Variants in GFI1 observed in about 807,000 individuals in gnomAD.
The protein encoded by GFI1 is growth factor independent 1 transcriptional repressor.
In GFI1, 15 loss-of-function variants were observed where a neutral mutation model predicts 39.2. That is an observed-to-expected ratio of 0.38 (90% CI 0.26 to 0.59). The LOEUF (loss-of-function observed/expected upper bound fraction) is 0.59, where lower values mean the gene tolerates loss of function less well. GFI1 is among the 20% of genes least tolerant of loss of function. GFI1 has a pLI of 0.62. For synonymous variants in GFI1, 239 were observed against 254.3 expected, an observed-to-expected ratio of 0.94 and a Z score of 0.57; for missense variants, 475 against 574.0, an observed-to-expected ratio of 0.83 and a Z score of 1.76.
At position 92,483,388 on chromosome 1, in the gene GFI1, C is replaced by T. The variant is rs752718949; in HGVS notation, c.100G>A (p.Ala34Thr). The part of the protein sequence containing the change: ...DYSLRLENVP[A>T]PSRADSTSNA... ...CGCCTCGCACCTGCTCGGCTAGGCG[C>T]CGGTACATTCTCTAAACGGAGGGAA... is the stretch of plus-strand genomic sequence containing the variant. The change falls in exon 2 of 7, where the codon GCG (alanine) becomes ACG (threonine). Residue 34 changes from alanine (A) to threonine (T), a missense_variant. Coordinates refer to ENST00000294702, the MANE Select transcript of GFI1 (RefSeq NM_005263.5). 6 of 1,607,540 alleles carry T rather than the reference C, an allele frequency of 3.7e-6. No individual in the cohort carries two copies. In the East Asian group the frequency reaches 1.1e-4, roughly 30 times the overall value.
In GFI1 at chr1:92,478,180, C is replaced by A. The variant is rs144102613; in HGVS notation, c.1090+408G>T. On this transcript the variant is annotated intron_variant, in intron 6 of 6. Coordinates refer to ENST00000294702, the MANE Select transcript of GFI1 (RefSeq NM_005263.5). ...CCTGAAAATGCAGCCGGAGAGTCCA[C>A]ACGAGTCCCTCCCACAAAAGGCCAG... 1.8e-3 allele frequency among the ~76,000 whole-genome samples: 279 copies of A among 152,324 alleles called. 4 individuals are homozygous for A. The highest frequency in any genetic ancestry group is 6.2e-3 in the African/African-American group (256 of 41,568).
chr1:92,475,985 CTCTG>C lies in GFI1; in HGVS notation c.*40_*43del. The C allele has an allele frequency of 6.3e-7, 1 of 1,585,842 alleles. No homozygotes were observed. ...AGTGGTGGCAAGCAGGGAGGCTGCC[CTCTG>C]TAGTGTTGTGTAGCTGCTGCTTGCA... On this transcript the variant is annotated 3_prime_UTR_variant, in exon 7 of 7. Transcript: ENST00000294702.
chr1:92,477,112 C>G (rs1423830300), intron 6 of GFI1, among the ~76,000 whole-genome samples: 2 of 152,152 alleles, frequency 1.3e-5, no homozygotes, highest in Non-Finnish European at 2.9e-5. Context: ...TTTGAGGAAC[C>G]CTCTGTCCTC....
Position 92,483,381 on chromosome 1 carries a change from C to T in GFI1, c.107G>A (p.Ser36Asn), listed in dbSNP as rs34631763. 0.051 allele frequency: 81,771 copies of T among 1,602,830 alleles called. 2,489 individuals are homozygous for T. Among genetic ancestry groups the T allele is most frequent in the Non-Finnish European group, 0.059 (69,352 of 1,170,490 alleles). The change falls in exon 2 of 7, where the codon AGC (serine) becomes AAC (asparagine). Residue 36 changes from serine to asparagine, a missense_variant. This residue lies in a region of GFI1 where 275 missense variants were observed against 275.8 expected (regional missense o/e 1.00). Coordinates refer to ENST00000294702, the MANE Select transcript of GFI1 (RefSeq NM_005263.5). ...CCGCGCGCGCCTCGCACCTGCTCGG[C>T]TAGGCGCCGGTACATTCTCTAAACG... The part of the protein sequence containing the change: ...SLRLENVPAP[S>N]RADSTSNAGG...
At position 92,474,369 on chromosome 1, in the gene GFI1, C is replaced by CTG. The variant is rs1657860228; in HGVS notation, c.*1658_*1659dup. On this transcript the variant is annotated 3_prime_UTR_variant, in exon 7 of 7. Transcript: ENST00000294702. ...GTCACATGATGTGTTGGTGACAGAG[C>CTG]TGTGACTAAAACTAAAACCTAGACC... is the stretch of plus-strand genomic sequence containing the variant. Among the ~76,000 whole-genome samples the CTG allele has an allele frequency of 2.0e-5, 3 of 152,190 alleles. No individual in the cohort carries two copies. In the South Asian group the frequency reaches 6.2e-4, roughly 31 times the overall value.
Position 92,486,901 on chromosome 1 carries a change from G to C in GFI1, c.-275C>G, listed in dbSNP as rs898542230. 3.3e-5 allele frequency: 5 copies of C among 152,102 alleles called. No homozygotes were observed. Among genetic ancestry groups the C allele is most frequent in the Admixed American group, 6.5e-5 (1 of 15,272 alleles). The allele number at this position is 152,102 out of a possible 1,614,324, so 9.4% of individuals were successfully genotyped here. On this transcript the variant is annotated 5_prime_UTR_variant, in exon 1 of 7. Transcript: ENST00000294702. ...CCCTGCGCGGAGCTCGCCGGCTCTC[G>C]ACCGGGTCCGCTCAGCCTTCGACTA...
At chr1:92,486,597 G>T (rs1388159192) in intron 1 of GFI1, 129 bp downstream of exon 1, 1 of 127,220 alleles carries the variant, frequency 7.9e-6, no homozygotes, top group Admixed American at 1.0e-4. Context: ...TCACCGGCCC[G>T]CGGTGCCGCC....
chr1:92,480,609 A>G lies in GFI1; in HGVS notation c.778T>C (p.Cys260Arg). The G allele has an allele frequency of 6.4e-7, 1 of 1,559,172 alleles. No homozygotes were observed. The highest frequency in any genetic ancestry group is 8.6e-7 in the Non-Finnish European group (1 of 1,157,412). The change falls in exon 4 of 7, where the codon TGC becomes CGC. Residue 260 changes from cysteine (C) to arginine (R), a missense_variant. Around this residue, in one of 4 missense-constraint regions of GFI1, gnomAD observed 79 missense variants for 68.4 expected, o/e 1.15. Transcript: ENST00000294702. The surrounding 1 kb of genome is among the most constrained non-coding windows in gnomAD (Gnocchi z 5.6). ...GAGCTCGGGAGCCTCACCTTGCTGC[A>G]CTTGATGCACTTGTAGGAGCCGCCG... ...LGGGSYKCIKCSKVFSTPHGL... is the reference protein window; with the variant it reads ...LGGGSYKCIKRSKVFSTPHGL...
At chr1:92,479,121 C>T (rs1658103243) in intron 5 of GFI1, among the ~76,000 whole-genome samples, 1 of 152,242 alleles carries the variant, frequency 6.6e-6, no homozygotes, top group South Asian at 2.1e-4. Flanking sequence ...CCACCTCGGC[C>T]TCTCAAAGTA....
intron 6 of GFI1, among the ~76,000 whole-genome samples, chr1:92,478,208 G>A (rs1387088956): frequency 2.6e-5 from 4 of 152,196 alleles, no homozygotes; most frequent in Non-Finnish European, 5.9e-5. Flanking sequence ...AAGGCCAGGT[G>A]GTTAGGGAAA....
intron 5 of GFI1, among the ~76,000 whole-genome samples, chr1:92,479,580 G>A (rs1658125616): frequency 6.6e-6 from 1 of 152,196 alleles, no homozygotes; most frequent in South Asian, 2.1e-4. Context: ...GGTGGGGCAT[G>A]GTGGCTCACG....
At position 92,484,762 on chromosome 1, in the gene GFI1, G is replaced by C. The variant is rs1658447535; in HGVS notation, c.-99-1176C>G. 6.6e-6 allele frequency: 1 copy of C among 152,368 alleles called. No homozygotes were observed. Among genetic ancestry groups the C allele is most frequent in the African/African-American group, 2.4e-5 (1 of 41,468 alleles). 9.4% of individuals were successfully genotyped at this position (152,368 alleles called of 1,614,324 possible). A position where few individuals can be genotyped will look rare whatever the true frequency, so the allele number is the denominator to read the frequency against. On this transcript the variant is annotated intron_variant, in intron 1 of 6. Coordinates refer to ENST00000294702, the MANE Select transcript of GFI1 (RefSeq NM_005263.5). The surrounding 1 kb of genome is among the most constrained non-coding windows in gnomAD (Gnocchi z 4.1). Reference sequence around the variant, plus strand: ...GGGGCGGTACCCCACAGTCGAGGTGGTCTGGAGTAAACGAATCTGCCTTCC... The same window carrying C: ...GGGGCGGTACCCCACAGTCGAGGTGCTCTGGAGTAAACGAATCTGCCTTCC...
chr1:92,480,762 C>CG lies in GFI1; in HGVS notation c.624dup (p.Gly209ArgfsTer4). On this transcript the variant is annotated frameshift_variant, in exon 4 of 7. Transcript: ENST00000294702. LOFTEE classifies it high-confidence loss of function. This position sits in a 1 kb window ranked among gnomAD's most constrained non-coding sequence, Gnocchi z 5.6. ...GCTGCCGTGGGCCTCTCATACAGCC[C>CG]GGCTGCCGCAGACCCGAAGTCGCCG... 1 of 1,600,626 alleles carries CG rather than the reference C, an allele frequency of 6.2e-7. No homozygotes were observed. Among genetic ancestry groups the CG allele is most frequent in the Non-Finnish European group, 8.5e-7 (1 of 1,178,180 alleles).
intron 2 of GFI1, 27 bp downstream of exon 2, chr1:92,483,346 C>T (rs746155170): frequency 2.3e-6 from 3 of 1,322,698 alleles, no homozygotes; most frequent in Non-Finnish European, 3.2e-6. Context: ...GGGGAGCAGC[C>T]CCGCCTGGCC....
intron 6 of GFI1, 136 bp downstream of exon 6, chr1:92,478,452 G>T: frequency 1.3e-6 from 1 of 774,940 alleles, no homozygotes; most frequent in Non-Finnish European, 2.2e-6. Context: ...CCACCCCTTT[G>T]TTTTCTTTAA....
intron 1 of GFI1, among the ~76,000 whole-genome samples, chr1:92,486,231 C>T (rs1385953691): frequency 2.0e-5 from 3 of 152,216 alleles, no homozygotes; most frequent in Non-Finnish European, 4.4e-5. Flanking sequence ...CGGGCGCGCT[C>T]CTTTGCGCAA....
chr1:92,486,100 TAA>T (rs112925059), intron 1 of GFI1: 6 of 146,692 alleles, frequency 4.1e-5, no homozygotes, highest in African/African-American at 5.0e-5. Flanking sequence ...CTCTCTGACT[TAA>T]AAAAAAAAAA....
At chr1:92,476,244 T>A in intron 6 of GFI1, 37 bp from the exon 7 acceptor site, 1 of 1,580,350 alleles carries the variant, frequency 6.3e-7, no homozygotes, top group Non-Finnish European at 8.6e-7. Flanking sequence ...AAAGTATGAG[T>A]CTATGATAAA....
chr1:92,486,616 G>T (rs1221466631), intron 1 of GFI1, 110 bp downstream of exon 1: 8 of 149,320 alleles, frequency 5.4e-5, no homozygotes, highest in African/African-American at 2.0e-4. Context: ...CCGGCCTGGA[G>T]CCCGGCGAGT....
Sources: gnomAD v4.1 joint callset for allele counts (sites outside exome capture counted in the v4.1 genomes callset) on GRCh38, gnomAD v4.1.1 for gene constraint, gnomAD v4.1.1 regional missense constraint, Gnocchi (gnomAD v3.1) non-coding constraint, MANE v1.5 for transcripts, NCBI Gene and HGNC (gene_info 2026-07-23, HGNC 2026-07-21) for gene names.